The following L1TD1 variants were observed in gnomAD, a reference collection of about 807,000 sequenced individuals.
L1TD1 encodes LINE-1 type transposase domain-containing protein 1.
A neutral mutation model predicts 25.7 loss-of-function variants in L1TD1; 26 were observed. That is an observed-to-expected ratio of 1.01 (90% CI 0.74 to 1.40). The LOEUF is 1.40. L1TD1 is among the 40% of genes most tolerant of loss of function. L1TD1 has a pLI of 0.00. For missense variants in L1TD1, 1,130 were observed against 975.0 expected (o/e 1.16, Z -2.12); for synonymous variants, 421 against 335.6 (o/e 1.25, Z -2.78).
At position 62,206,644 on chromosome 1, in the gene L1TD1, A is replaced by G. The variant is rs556405182; in HGVS notation, c.16A>G (p.Thr6Ala). ...CATATCCACAATGTCTGATGTATCT[A>G]CTAGTGTACAATCAAAATTTGCTAG... MSDVS[T>A]SVQSKFARLA... Residue 6 changes from threonine to alanine, a missense_variant, in exon 3 of 4, where the codon ACT becomes GCT. Transcript: ENST00000498273. The G allele has an allele frequency of 4.5e-5, 69 of 1,541,790 alleles. No homozygotes were observed. Among genetic ancestry groups the G allele is most frequent in the Non-Finnish European group, 5.9e-5 (68 of 1,143,836 alleles).
intron 2 of L1TD1, among the ~76,000 whole-genome samples, chr1:62,205,417 CTATATA>C (rs776188584): frequency 0.044 from 953 of 21,760 alleles, 40 homozygotes; most frequent in East Asian, 0.22. Context: ...CTCTCTCTCT[CTATATA>C]TATATATATA....
At chr1:62,197,123 C>T (rs1408988684) in intron 2 of L1TD1, among the ~76,000 whole-genome samples, 1 of 151,954 alleles carries the variant, frequency 6.6e-6, no homozygotes, top group Non-Finnish European at 1.5e-5. Flanking sequence ...TGGTGGCTCA[C>T]ACCTGTAATC....
chr1:62,201,303 G>A (rs150055817), intron 2 of L1TD1, among the ~76,000 whole-genome samples: 1 of 151,908 alleles, frequency 6.6e-6, no homozygotes, highest in African/African-American at 2.4e-5. Flanking sequence ...GTCCTTATGT[G>A]CCTGTAGAAG....
intron 2 of L1TD1, among the ~76,000 whole-genome samples, chr1:62,197,328 A>T (rs1670560745): frequency 6.7e-6 from 1 of 149,742 alleles, no homozygotes; most frequent in East Asian, 2.0e-4. Context: ...TGGAGGTTGC[A>T]GTGAGCCGAG....
Position 62,206,906 on chromosome 1 carries a change from C to T in L1TD1, c.278C>T (p.Ser93Leu), listed in dbSNP as rs916482514. 1 of 1,613,758 alleles carries T rather than the reference C, an allele frequency of 6.2e-7. No individual in the cohort carries two copies. The highest frequency in any genetic ancestry group is 1.7e-5 in the Admixed American group (1 of 59,962). ...GCTACAATACCTGAGGTAAAGAATT[C>T]AGAGAACTCCAGTAGTAGGACAGAG... ...GKATIPEVKNSENSSSRTEFQ... is the reference protein window; with the variant it reads ...GKATIPEVKNLENSSSRTEFQ... Residue 93 changes from serine to leucine, a missense_variant, in exon 3 of 4, where the codon TCA (serine) becomes TTA (leucine). Coordinates refer to ENST00000498273, the MANE Select transcript of L1TD1 (RefSeq NM_019079.5).
In L1TD1 at chr1:62,210,782, A is replaced by C; in HGVS notation, c.2008A>C (p.Ile670Leu). The C allele has an allele frequency of 6.4e-7, 1 of 1,550,398 alleles. No homozygotes were observed. The highest frequency in any genetic ancestry group is 8.7e-7 in the Non-Finnish European group (1 of 1,146,692). ...AAGAATAGACAGTCTAGAAGATCAA[A>C]TTGAAGAATTCTCTAAGGATACAAT... ...EERIDSLEDQIEEFSKDTMQM... is the reference protein window; with the variant it reads ...EERIDSLEDQLEEFSKDTMQM... Residue 670 changes from isoleucine (I) to leucine (L), a missense_variant, in exon 4 of 4, where the codon ATT becomes CTT. Ile to Leu is a conservative substitution (Grantham distance 5). Coordinates refer to ENST00000498273, the MANE Select transcript of L1TD1 (RefSeq NM_019079.5).
In L1TD1 at chr1:62,195,667, G is replaced by C. The variant is rs983946712; in HGVS notation, c.-205+746G>C. Reference sequence around the variant, plus strand: ...CTCAGGAGGCTGAGGCAGGAGAATCGCTTGAACCCGAGAGGCAGAGGTTGC... The same window carrying C: ...CTCAGGAGGCTGAGGCAGGAGAATCCCTTGAACCCGAGAGGCAGAGGTTGC... On this transcript the variant is annotated intron_variant, in intron 1 of 3. Coordinates refer to ENST00000498273, the MANE Select transcript of L1TD1 (RefSeq NM_019079.5). 9.2e-5 allele frequency among the ~76,000 whole-genome samples: 14 copies of C among 152,320 alleles called. 1 individual carries two copies. The highest frequency in any genetic ancestry group is 3.4e-4 in the African/African-American group (14 of 41,580).
chr1:62,207,782 G>C (rs544551156), intron 3 of L1TD1, 146 bp downstream of exon 3: 3 of 1,017,944 alleles, frequency 2.9e-6, no homozygotes, highest in Non-Finnish European at 4.1e-6. Flanking sequence ...GCACGATCTC[G>C]GCTCGCTACA....
intron 2 of L1TD1, among the ~76,000 whole-genome samples, chr1:62,197,880 CAG>C (rs770323175): frequency 7.2e-6 from 1 of 138,572 alleles, no homozygotes. Context: ...GTCTCAAAAA[CAG>C]AAGAAAACAA....
chr1:62,198,599 G>C (rs1047719187), intron 2 of L1TD1, among the ~76,000 whole-genome samples: 2 of 151,674 alleles, frequency 1.3e-5, no homozygotes, highest in African/African-American at 4.9e-5. Flanking sequence ...AATGCAAGCA[G>C]ATAAACATAT....
At chr1:62,198,787 T>C (rs973579042) in intron 2 of L1TD1, among the ~76,000 whole-genome samples, 39 of 149,796 alleles carry the variant, frequency 2.6e-4, no homozygotes, top group African/African-American at 9.5e-4. Flanking sequence ...GTAACCTCCT[T>C]AAAATACAAA....
In L1TD1 at chr1:62,207,453, A is replaced by G. The variant is rs1234580176; in HGVS notation, c.825A>G (p.Lys275=). The G allele has an allele frequency of 7.2e-5, 111 of 1,550,992 alleles. No homozygotes were observed. The highest frequency in any genetic ancestry group is 1.7e-4 in the Middle Eastern group (1 of 6,014). ...NILRENDFEP[K]FLCEVKLAFK... Reference sequence around the variant, plus strand: ...TGAGAGAAAATGATTTTGAACCTAAATTTCTGTGTGAAGTTAAATTAGCAT... The same window carrying G: ...TGAGAGAAAATGATTTTGAACCTAAGTTTCTGTGTGAAGTTAAATTAGCAT... Residue 275 remains lysine, a synonymous_variant, in exon 3 of 4, where the codon AAA becomes AAG. Transcript: ENST00000498273.
intron 2 of L1TD1, among the ~76,000 whole-genome samples, chr1:62,205,185 A>G (rs1454004665): frequency 6.6e-6 from 1 of 151,060 alleles, no homozygotes; most frequent in Non-Finnish European, 1.5e-5. Flanking sequence ...CGTCTCCACT[A>G]AAAATACAAA....
Position 62,210,290 on chromosome 1 carries a change from C to CA in L1TD1, c.1521dup (p.Glu508ArgfsTer5), listed in dbSNP as rs1557447571. On this transcript the variant is annotated frameshift_variant, in exon 4 of 4. Transcript: ENST00000498273. LOFTEE classifies it low-confidence loss of function (END_TRUNC). Reference sequence around the variant, plus strand: ...GACTGAGAAAAAAGCCTCACGTAGACAAAAAGAAATTCCCTTTAGTTATTT... The same window carrying CA: ...GACTGAGAAAAAAGCCTCACGTAGACAAAAAAGAAATTCCCTTTAGTTATTT... The CA allele has an allele frequency of 6.2e-7, 1 of 1,613,898 alleles. No homozygotes were observed.
At chr1:62,207,672 G>A in intron 3 of L1TD1, 36 bp downstream of exon 3, 5 of 1,463,346 alleles carry the variant, frequency 3.4e-6, no homozygotes, top group African/African-American at 1.4e-5. Context: ...TAAAGCTTAT[G>A]TATAAATGTA....
rs1670886577 is a variant in L1TD1 at position 62,212,012 on chromosome 1, TGTTG to T, written c.*642_*645del. On this transcript the variant is annotated 3_prime_UTR_variant, in exon 4 of 4. Coordinates refer to ENST00000498273, the MANE Select transcript of L1TD1 (RefSeq NM_019079.5). ...CTTGTCTAAGAATAAACTTCTATAC[TGTTG>T]GGGGAGGGCTGCACCTGTCAAGATA... The T allele has an allele frequency of 6.6e-6, 1 of 152,184 alleles. No homozygotes were observed. The highest frequency in any genetic ancestry group is 1.5e-5 in the Non-Finnish European group (1 of 68,086). The allele number at this position is 152,184 out of a possible 1,614,324, so 9.4% of individuals were successfully genotyped here.
In L1TD1 at chr1:62,206,746, G is replaced by T. The variant is rs761951393; in HGVS notation, c.118G>T (p.Val40Leu). The T allele has an allele frequency of 1.4e-5, 21 of 1,552,554 alleles. No homozygotes were observed. Among genetic ancestry groups the T allele is most frequent in the Non-Finnish European group, 1.7e-5 (19 of 1,147,304 alleles). Residue 40 changes from valine (V) to leucine (L), a missense_variant, in exon 3 of 4, where the codon GTA becomes TTA. By Grantham distance (32) the Val-to-Leu change is conservative. Transcript: ENST00000498273. Reference protein sequence around the residue: ...LTETDKDIAPVLDLKCKDVSA... With the variant: ...LTETDKDIAPLLDLKCKDVSA... ...AGAAACTGATAAGGACATAGCTCCG[G>T]TATTAGATTTAAAATGCAAGGACGT...
chr1:62,207,010 G>T lies in L1TD1; in HGVS notation c.382G>T (p.Asp128Tyr). The part of the protein sequence containing the change: ...KIEGENSKIG[D>Y]DNENLTFKLE... ...AGAAGGAGAAAACTCTAAAATAGGT[G>T]ATGATAATGAAAATTTAACCTTTAA... The change falls in exon 3 of 4, where the codon GAT becomes TAT. Residue 128 changes from aspartate (D) to tyrosine (Y), a missense_variant. Coordinates refer to ENST00000498273, the MANE Select transcript of L1TD1 (RefSeq NM_019079.5). The T allele has an allele frequency of 6.2e-7, 1 of 1,613,200 alleles. No individual in the cohort carries two copies. Among genetic ancestry groups the T allele is most frequent in the South Asian group, 1.1e-5 (1 of 90,874 alleles).
Position 62,209,872 on chromosome 1 carries a change from T to TA in L1TD1, c.1100dup (p.Pro368AlafsTer22), listed in dbSNP as rs1670823374. On this transcript the variant is annotated frameshift_variant, in exon 4 of 4. Transcript: ENST00000498273. LOFTEE classifies it low-confidence loss of function (END_TRUNC). ...TATTTCTTAAAGAAGTAAAAGTTGC[T>TA]AAGCCAGAGGAGATGAAAAACTTAG... 3 of 1,614,168 alleles carry TA rather than the reference T, an allele frequency of 1.9e-6. No homozygotes were observed. Among genetic ancestry groups the TA allele is most frequent in the Non-Finnish European group, 2.5e-6 (3 of 1,180,018 alleles).
Sources: gnomAD v4.1 joint callset for allele counts (sites outside exome capture counted in the v4.1 genomes callset) on GRCh38, gnomAD v4.1.1 for gene constraint, MANE v1.5 for transcripts, NCBI Gene and HGNC (gene_info 2026-07-23, HGNC 2026-07-21) for gene names.